LEMD3: variants seen among roughly 807,000 people sequenced by gnomAD.
The protein encoded by LEMD3 is LEM domain containing 3.
In LEMD3, 33 loss-of-function variants were observed where a neutral mutation model predicts 95.2. The observed-to-expected ratio is 0.35, with a 90% confidence interval of 0.26 to 0.46. The LOEUF is 0.46. Among genes scored for constraint, LEMD3 ranks in the 20% least tolerant of loss-of-function variants. The pLI is 1.00. For synonymous variants in LEMD3, 525 were observed against 474.6 expected (o/e 1.11, Z -1.38); for missense variants, 1,210 against 1,192.8 (o/e 1.01, Z -0.21).
Position 65,240,024 on chromosome 12 carries a change from A to T in LEMD3, c.2017A>T (p.Ile673Phe), listed in dbSNP as rs762453236. 1 of 1,596,102 alleles carries T rather than the reference A, an allele frequency of 6.3e-7. No homozygotes were observed. Among genetic ancestry groups the T allele is most frequent in the South Asian group, 1.1e-5 (1 of 90,700 alleles). Residue 673 changes from isoleucine (I) to phenylalanine (F), a missense_variant, in exon 7 of 13, where the codon ATT becomes TTT. Ile to Phe is a conservative substitution (Grantham distance 21). This residue lies in a region of LEMD3 where 461 missense variants were observed against 569.8 expected (regional missense o/e 0.81). Coordinates refer to ENST00000308330, the MANE Select transcript of LEMD3 (RefSeq NM_014319.5). ...GCAGATGTATGATATGGTGGTAAAGATTATAGGTATGATATTTGTAAGAAT... is the reference window on the plus strand; with the variant it reads ...GCAGATGTATGATATGGTGGTAAAGTTTATAGGTATGATATTTGTAAGAAT... The part of the protein sequence containing the change: ...TRQMYDMVVK[I>F]IDVLRSHNEA...
rs1223673382 is a variant in LEMD3, at chr12:65,171,073, C to G, written c.1477C>G (p.Leu493Val). The part of the protein sequence containing the change: ...LFFLILGLTY[L>V]GMRGTGVSED... ...TTTCCTAATACTGGGACTGACTTACCTAGGAATGAGAGGGACAGGAGTATC... is the reference window on the plus strand; with the variant it reads ...TTTCCTAATACTGGGACTGACTTACGTAGGAATGAGAGGGACAGGAGTATC... Residue 493 changes from leucine to valine, a missense_variant, in exon 1 of 13, where the codon CTA (leucine) becomes GTA (valine). Leu to Val is a conservative substitution (Grantham distance 32). This residue lies in a region of LEMD3 where 461 missense variants were observed against 569.8 expected (regional missense o/e 0.81). Coordinates refer to ENST00000308330, the MANE Select transcript of LEMD3 (RefSeq NM_014319.5). The G allele has an allele frequency of 6.2e-7, 1 of 1,613,726 alleles. No individual in the cohort carries two copies. The highest frequency in any genetic ancestry group is 8.5e-7 in the Non-Finnish European group (1 of 1,180,030).
chr12:65,211,495 A>G (rs1432893799), intron 2 of LEMD3, among the ~76,000 whole-genome samples: 16 of 152,220 alleles, frequency 1.1e-4, no homozygotes. Flanking sequence ...TTACTTATAT[A>G]AAAATATTTT....
intron 1 of LEMD3, among the ~76,000 whole-genome samples, chr12:65,192,869 T>G (rs980332742): frequency 6.6e-6 from 1 of 152,198 alleles, no homozygotes; most frequent in Admixed American, 6.5e-5. Context: ...GTTAACAGAT[T>G]TTGGAAACTG....
At chr12:65,227,675 G>A (rs985733560) in intron 4 of LEMD3, among the ~76,000 whole-genome samples, 8 of 151,646 alleles carry the variant, frequency 5.3e-5, no homozygotes, top group Non-Finnish European at 1.2e-4. Context: ...AGCCCAGGAT[G>A]GCTTTGAATG....
intron 1 of LEMD3, 57 bp from the exon 2 acceptor site, chr12:65,210,869 G>A (rs531110426): frequency 4.7e-6 from 6 of 1,278,666 alleles, no homozygotes; most frequent in African/African-American, 1.4e-5. Context: ...GAGTTTGTTT[G>A]GGGGATTTTA....
chr12:65,193,978 A>T (rs1869330512), intron 1 of LEMD3, among the ~76,000 whole-genome samples: 1 of 152,178 alleles, frequency 6.6e-6, no homozygotes, highest in Admixed American at 6.6e-5. Flanking sequence ...TGCTCGTATT[A>T]TACTTAAAGC....
chr12:65,198,755 T>G (rs1869507159), intron 1 of LEMD3, among the ~76,000 whole-genome samples: 1 of 152,222 alleles, frequency 6.6e-6, no homozygotes, highest in Admixed American at 6.5e-5. Flanking sequence ...ATGATGTTAA[T>G]GCTATGTAAG....
At chr12:65,171,406 C>G (rs1565776800) in intron 1 of LEMD3, 2 of 407,324 alleles carry the variant, frequency 4.9e-6, no homozygotes, top group African/African-American at 2.0e-5. Flanking sequence ...TGTGACAATT[C>G]TCTTTTAGCC....
chr12:65,184,906 T>G (rs1232794962), intron 1 of LEMD3, among the ~76,000 whole-genome samples: 2 of 152,120 alleles, frequency 1.3e-5, no homozygotes, highest in Non-Finnish European at 1.5e-5. Context: ...ACTGTTTTCC[T>G]TTTTCACATA....
intron 1 of LEMD3, among the ~76,000 whole-genome samples, chr12:65,178,625 C>T (rs1868803965): frequency 6.6e-6 from 1 of 152,194 alleles, no homozygotes; most frequent in Non-Finnish European, 1.5e-5. Flanking sequence ...CCTTACGTAG[C>T]ATTAACTGTG....
chr12:65,200,115 C>G (rs1869553219), intron 1 of LEMD3, among the ~76,000 whole-genome samples: 1 of 151,878 alleles, frequency 6.6e-6, no homozygotes, highest in African/African-American at 2.4e-5. Flanking sequence ...TTGGTCCGCT[C>G]CTGCAACTGA....
intron 4 of LEMD3, among the ~76,000 whole-genome samples, chr12:65,236,279 T>C (rs1592461010): frequency 1.3e-5 from 2 of 152,324 alleles, no homozygotes; most frequent in Middle Eastern, 6.8e-3. Context: ...CAGTGGCTCA[T>C]GCCTGTAATC....
chr12:65,184,425 G>T (rs531939335), intron 1 of LEMD3, among the ~76,000 whole-genome samples: 13 of 152,224 alleles, frequency 8.5e-5, no homozygotes, highest in African/African-American at 3.1e-4. Flanking sequence ...ATATACTGTT[G>T]GTTTAAGTTT....
intron 4 of LEMD3, among the ~76,000 whole-genome samples, chr12:65,225,159 T>C (rs1870409538): frequency 6.6e-6 from 1 of 152,212 alleles, no homozygotes. Flanking sequence ...TTGAGTATCT[T>C]TATGATGGCT....
chr12:65,244,161 C>A (rs927183916), intron 10 of LEMD3, among the ~76,000 whole-genome samples: 4 of 152,164 alleles, frequency 2.6e-5, no homozygotes, highest in Non-Finnish European at 4.4e-5. Context: ...GTATACAATA[C>A]CCCCAAAGTC....
At chr12:65,173,464 T>C (rs1209450802) in intron 1 of LEMD3, among the ~76,000 whole-genome samples, 1 of 152,212 alleles carries the variant, frequency 6.6e-6, no homozygotes, top group African/African-American at 2.4e-5. Context: ...GAACAATGGC[T>C]AAGAAGTAGA....
intron 4 of LEMD3, among the ~76,000 whole-genome samples, chr12:65,224,424 A>G (rs1172848073): frequency 6.6e-6 from 1 of 152,152 alleles, no homozygotes; most frequent in Non-Finnish European, 1.5e-5. Context: ...CTAGTCAACT[A>G]TGGTCTGAAA....
At chr12:65,185,482 T>C (rs1322249294) in intron 1 of LEMD3, among the ~76,000 whole-genome samples, 1 of 152,110 alleles carries the variant, frequency 6.6e-6, no homozygotes, top group African/African-American at 2.4e-5. Context: ...TATTTTTCAA[T>C]GGTATTTCAA....
intron 1 of LEMD3, among the ~76,000 whole-genome samples, chr12:65,207,267 A>G (rs1869792603): frequency 6.6e-6 from 1 of 152,132 alleles, no homozygotes; most frequent in Non-Finnish European, 1.5e-5. Context: ...AGGAGACCAT[A>G]GTATGCCCTC....
Sources: gnomAD v4.1 joint callset for allele counts (sites outside exome capture counted in the v4.1 genomes callset) on GRCh38, gnomAD v4.1.1 for gene constraint, gnomAD v4.1.1 regional missense constraint, MANE v1.5 for transcripts, NCBI Gene and HGNC (gene_info 2026-07-23, HGNC 2026-07-21) for gene names.